EFNA5: variants seen among roughly 807,000 people sequenced by gnomAD.
The protein encoded by EFNA5 is ephrin A5.
A neutral mutation model predicts 22.9 loss-of-function variants in EFNA5; 5 were observed. The observed-to-expected ratio is 0.22, with a 90% CI of 0.11 to 0.46. The LOEUF (loss-of-function observed/expected upper bound fraction) is 0.46, where lower values mean the gene tolerates loss of function less well. Among genes scored for constraint, EFNA5 ranks in the 20% least tolerant of loss-of-function variants. The pLI, the probability that EFNA5 is intolerant of heterozygous loss-of-function variation, is 0.99. For synonymous variants in EFNA5, 113 were observed against 112.2 expected (o/e 1.01, Z -0.04); for missense variants, 237 against 293.3 (o/e 0.81, Z 1.40).
chr5:107,480,727 C>G (rs566456001), intron 1 of EFNA5, among the ~76,000 whole-genome samples: 2 of 152,120 alleles, frequency 1.3e-5, no homozygotes, highest in Non-Finnish European at 2.9e-5. Flanking sequence ...CCAGGGAAAA[C>G]AGATACAAGA....
At chr5:107,570,326 C>T (rs1189093177) in intron 1 of EFNA5, among the ~76,000 whole-genome samples, 2 of 152,174 alleles carry the variant, frequency 1.3e-5, no homozygotes, top group African/African-American at 4.8e-5. Context: ...CCAAATGATT[C>T]CCACGTTCTG....
chr5:107,433,449 T>A (rs2112427783), intron 1 of EFNA5, among the ~76,000 whole-genome samples: 1 of 152,318 alleles, frequency 6.6e-6, no homozygotes, highest in Non-Finnish European at 1.5e-5. Flanking sequence ...AAAGCACGTA[T>A]CTAGGGCTAT....
At chr5:107,419,631 C>T (rs469759) in intron 2 of EFNA5, among the ~76,000 whole-genome samples, 73,531 of 151,910 alleles carry the variant, frequency 0.48, 19,184 homozygotes, top group Non-Finnish European at 0.59. Flanking sequence ...TAAAATTTGT[C>T]GGTTTCCCAA....
chr5:107,643,281 T>G (rs1430546099), intron 1 of EFNA5, among the ~76,000 whole-genome samples: 1 of 152,126 alleles, frequency 6.6e-6, no homozygotes, highest in African/African-American at 2.4e-5. Context: ...TGTATGGACT[T>G]TAGTGGTAGC....
At chr5:107,413,034 T>G (rs1241615957) in intron 2 of EFNA5, among the ~76,000 whole-genome samples, 1 of 152,186 alleles carries the variant, frequency 6.6e-6, no homozygotes, top group Non-Finnish European at 1.5e-5. Context: ...TAATTGCCTT[T>G]CAAATATCAA....
At chr5:107,449,512 C>A (rs77039456) in intron 1 of EFNA5, among the ~76,000 whole-genome samples, 7 of 151,880 alleles carry the variant, frequency 4.6e-5, no homozygotes, top group African/African-American at 1.2e-4. Context: ...CATCCCTCCC[C>A]GCCCCCCCAA....
intron 1 of EFNA5, among the ~76,000 whole-genome samples, chr5:107,617,237 C>CACACACACAGAG (rs1385888674): frequency 6.2e-5 from 9 of 144,458 alleles, no homozygotes; most frequent in African/African-American, 2.1e-4. Flanking sequence ...CACACACACA[C>CACACACACAGAG]AGAGAGAGAG....
intron 1 of EFNA5, among the ~76,000 whole-genome samples, chr5:107,579,194 T>A (rs369425258): frequency 6.6e-6 from 1 of 152,158 alleles, no homozygotes; most frequent in African/African-American, 2.4e-5. Flanking sequence ...AAAGCTTTGG[T>A]AATCATGATG....
intron 1 of EFNA5, among the ~76,000 whole-genome samples, chr5:107,622,817 C>T (rs1307098363): frequency 6.6e-6 from 1 of 151,130 alleles, no homozygotes; most frequent in African/African-American, 2.4e-5. Flanking sequence ...GTCAGGAGAT[C>T]GAGACCATCC....
intron 1 of EFNA5, among the ~76,000 whole-genome samples, chr5:107,442,059 T>A (rs573817728): frequency 6.6e-6 from 1 of 152,312 alleles, no homozygotes; most frequent in South Asian, 2.1e-4. Context: ...TATTTGCCTT[T>A]GTATTCTAGA....
chr5:107,629,527 T>C (rs1173163582), intron 1 of EFNA5, among the ~76,000 whole-genome samples: 1 of 152,064 alleles, frequency 6.6e-6, no homozygotes, highest in African/African-American at 2.4e-5. Flanking sequence ...TATGTCAGTG[T>C]AGGTTCATCA....
chr5:107,440,830 A>T (rs182230125), intron 1 of EFNA5, among the ~76,000 whole-genome samples: 1 of 152,296 alleles, frequency 6.6e-6, no homozygotes, highest in Admixed American at 6.5e-5. Context: ...CCTGGGACTA[A>T]GCACAGAATC....
At chr5:107,594,121 T>C (rs935522559) in intron 1 of EFNA5, among the ~76,000 whole-genome samples, 2 of 152,192 alleles carry the variant, frequency 1.3e-5, no homozygotes, top group Admixed American at 6.5e-5. Flanking sequence ...AACCTGGGTA[T>C]ATCTACCTCA....
chr5:107,555,514 C>T (rs1193584098), intron 1 of EFNA5, among the ~76,000 whole-genome samples: 1 of 151,974 alleles, frequency 6.6e-6, no homozygotes, highest in East Asian at 1.9e-4. Context: ...GATTTTTATC[C>T]CATTACTTCT....
intron 4 of EFNA5, 81 bp from the exon 5 acceptor site, chr5:107,381,457 C>G: frequency 6.8e-7 from 1 of 1,465,516 alleles, no homozygotes; most frequent in Non-Finnish European, 9.2e-7. Context: ...GTTAACAGAC[C>G]TCGCCACCCT....
In EFNA5 at chr5:107,552,203, G is replaced by A. The variant is rs911802777; in HGVS notation, c.125+118286C>T. 3.9e-5 allele frequency among the ~76,000 whole-genome samples: 6 copies of A among 152,228 alleles called. No individual in the cohort carries two copies. In the East Asian group the frequency reaches 5.8e-4, roughly 15 times the overall value. On this transcript the variant is annotated intron_variant, in intron 1 of 4. Coordinates refer to ENST00000333274, the MANE Select transcript of EFNA5 (RefSeq NM_001962.3). ...TCTGGGAACTTCTTCTGGAAAAAGC[G>A]AGAAAATGCCTAAGAGCCTTCCACA...
intron 1 of EFNA5, among the ~76,000 whole-genome samples, chr5:107,482,832 G>GTCTCTCTCTCTCTCTC (rs59574940): frequency 3.2e-5 from 3 of 93,984 alleles, no homozygotes; most frequent in Admixed American, 1.1e-4. Context: ...CTCTGTCTCT[G>GTCTCTCTCTCTCTCTC]TCTCTCTCTC....
chr5:107,655,640 C>T (rs1312782674), intron 1 of EFNA5, among the ~76,000 whole-genome samples: 1 of 151,922 alleles, frequency 6.6e-6, no homozygotes, highest in East Asian at 1.9e-4. Context: ...AACAACATTA[C>T]AAAATGATTA....
At chr5:107,539,325 A>AAG (rs1302526584) in intron 1 of EFNA5, among the ~76,000 whole-genome samples, 1 of 152,244 alleles carries the variant, frequency 6.6e-6, no homozygotes, top group African/African-American at 2.4e-5. Context: ...GACACTGGGA[A>AAG]AGAGAGAGCA....
Sources: allele counts gnomAD v4.1 joint callset (sites outside exome capture counted in the v4.1 genomes callset), GRCh38; gene constraint gnomAD v4.1.1; transcripts MANE v1.5; gene names NCBI Gene and HGNC (gene_info 2026-07-23, HGNC 2026-07-21).